Variants in ABCB1 observed in about 807,000 individuals in gnomAD.
The protein encoded by ABCB1 is ATP binding cassette subfamily B member 1, also known as ATP-dependent translocase ABCB1.
In ABCB1, 69 loss-of-function variants were observed where a neutral mutation model predicts 142.0. That is an observed-to-expected ratio of 0.49 (90% CI 0.40 to 0.59). The LOEUF is 0.59. Ranked by LOEUF, ABCB1 falls within the 20% of genes least tolerant of loss-of-function variation. ABCB1 has a pLI of 0.00. For synonymous variants in ABCB1, 532 were observed against 539.2 expected, an observed-to-expected ratio of 0.99 and a Z score of 0.18; for missense variants, 1,326 against 1,554.7, an observed-to-expected ratio of 0.85 and a Z score of 2.47.
At chr7:87,520,191 T>A (rs1020289678) in intron 22 of ABCB1, among the ~76,000 whole-genome samples, 1 of 151,854 alleles carries the variant, frequency 6.6e-6, no homozygotes, top group Non-Finnish European at 1.5e-5. Context: ...AAATAATTTT[T>A]TTTTAGACAA....
intron 1 of ABCB1, among the ~76,000 whole-genome samples, chr7:87,688,019 A>G (rs540452077): frequency 6.6e-6 from 1 of 152,244 alleles, no homozygotes; most frequent in African/African-American, 2.4e-5. Flanking sequence ...ATCCAATAAA[A>G]TCCCATATAC....
chr7:87,637,702 T>C (rs1821926738), intron 1 of ABCB1, among the ~76,000 whole-genome samples: 1 of 152,126 alleles, frequency 6.6e-6, no homozygotes. Context: ...TGAAAACTTT[T>C]CATTTTCTTG....
intron 4 of ABCB1, among the ~76,000 whole-genome samples, chr7:87,582,700 A>C (rs941406238): frequency 6.6e-6 from 1 of 152,282 alleles, no homozygotes; most frequent in Admixed American, 6.5e-5. Flanking sequence ...GGCTGCTTAC[A>C]TTCATAAAAT....
intron 4 of ABCB1, among the ~76,000 whole-genome samples, chr7:87,581,702 T>G (rs2129905199): frequency 6.6e-6 from 1 of 152,324 alleles, no homozygotes; most frequent in Non-Finnish European, 1.5e-5. Flanking sequence ...GAGAAGGATC[T>G]GCTTACTGAA....
At chr7:87,588,729 G>A (rs147426026) in intron 3 of ABCB1, among the ~76,000 whole-genome samples, 77 of 152,230 alleles carry the variant, frequency 5.1e-4, no homozygotes, top group African/African-American at 1.8e-3. Context: ...CTGTCTTTAG[G>A]TCTTTGAGGA....
intron 2 of ABCB1, among the ~76,000 whole-genome samples, chr7:87,598,929 T>C (rs1403410249): frequency 1.3e-5 from 2 of 152,144 alleles, no homozygotes; most frequent in Non-Finnish European, 2.9e-5. Context: ...GGTTCATTTC[T>C]TTTAGGGAGG....
At chr7:87,559,955 T>C (rs1024913204) in intron 8 of ABCB1, among the ~76,000 whole-genome samples, 1 of 152,220 alleles carries the variant, frequency 6.6e-6, no homozygotes, top group Admixed American at 6.5e-5. Context: ...AACTTCATTA[T>C]GTCTCTGCTC....
chr7:87,647,073 T>G (rs1240202674), intron 1 of ABCB1, among the ~76,000 whole-genome samples: 1 of 152,226 alleles, frequency 6.6e-6, no homozygotes, highest in Non-Finnish European at 1.5e-5. Context: ...CTGAAAATTA[T>G]TTGAGTGATT....
At chr7:87,568,643 C>G (rs1404420102) in intron 5 of ABCB1, among the ~76,000 whole-genome samples, 2 of 152,148 alleles carry the variant, frequency 1.3e-5, no homozygotes, top group Non-Finnish European at 2.9e-5. Context: ...GCACTCAGCC[C>G]ATCAGGAATC....
chr7:87,661,108 T>C (rs1824662989), intron 1 of ABCB1, among the ~76,000 whole-genome samples: 1 of 151,976 alleles, frequency 6.6e-6, no homozygotes, highest in South Asian at 2.1e-4. Flanking sequence ...TTCTGATAGA[T>C]TACATTTTTA....
In ABCB1 at chr7:87,546,146, A is replaced by G. The variant is rs545092570; in HGVS notation, c.1726-122T>C. 53 of 916,464 alleles carry G rather than the reference A, an allele frequency of 5.8e-5. No homozygotes were observed. The African/African-American group carries it at 7.8e-4, about 13-fold the overall frequency. The allele number at this position is 916,464 out of a possible 1,614,324, so 56.8% of individuals were successfully genotyped here. On this transcript the variant is annotated intron_variant, in intron 14 of 27. Coordinates refer to ENST00000622132, the MANE Select transcript of ABCB1 (RefSeq NM_001348946.2). The stretch of plus-strand genomic sequence containing the variant: ...TGTAAAACCATCAAATCTATATAAG[A>G]TAGCCTCTGACTTCAATAAATGTAT...
chr7:87,540,769 G>A (rs1293001219), intron 18 of ABCB1, among the ~76,000 whole-genome samples: 1 of 152,178 alleles, frequency 6.6e-6, no homozygotes. Context: ...AACTTTTAGA[G>A]TACTTAATTC....
chr7:87,590,939 G>T (rs1438274109), intron 3 of ABCB1, among the ~76,000 whole-genome samples: 1 of 152,184 alleles, frequency 6.6e-6, no homozygotes, highest in Non-Finnish European at 1.5e-5. Flanking sequence ...TCTTGACCAG[G>T]TGTGGTAGAC....
intron 1 of ABCB1, among the ~76,000 whole-genome samples, chr7:87,622,608 G>A (rs1352231283): frequency 6.6e-6 from 1 of 152,194 alleles, no homozygotes; most frequent in African/African-American, 2.4e-5. Context: ...TATTGCATGA[G>A]TGATACAGTT....
At chr7:87,549,598 A>G (rs1816957035) in intron 13 of ABCB1, 80 bp from the exon 14 acceptor site, 1 of 1,597,260 alleles carries the variant, frequency 6.3e-7, no homozygotes, top group East Asian at 2.2e-5. Flanking sequence ...GGAATCCTAT[A>G]CACAGCCCAA....
chr7:87,519,349 G>C lies in ABCB1; in HGVS notation c.2904C>G (p.Leu968=). Residue 968 remains leucine (L), a synonymous_variant, in exon 23 of 28, where the codon CTC becomes CTG. Transcript: ENST00000622132. ...ACAACAGAACATCCTCAAAGCTCAT[G>C]AGTTTATGTGCCACCAAGTAGGCTC... ...RFGAYLVAHK[L]MSFEDVLLVF... 6.2e-6 allele frequency: 10 copies of C among 1,614,108 alleles called. No individual in the cohort carries two copies. Among genetic ancestry groups the C allele is most frequent in the Non-Finnish European group, 8.5e-6 (10 of 1,179,970 alleles).
chr7:87,677,129 A>G (rs978197059), intron 1 of ABCB1, among the ~76,000 whole-genome samples: 1 of 152,174 alleles, frequency 6.6e-6, no homozygotes, highest in Non-Finnish European at 1.5e-5. Context: ...CTTCTGGGTT[A>G]TTTATTGAAA....
At chr7:87,666,383 A>T (rs1825254266) in intron 1 of ABCB1, among the ~76,000 whole-genome samples, 2 of 152,048 alleles carry the variant, frequency 1.3e-5, no homozygotes, top group African/African-American at 4.8e-5. Flanking sequence ...TAGATGCTGG[A>T]TATTAGACCA....
rs1819085840 is a variant in ABCB1, at chr7:87,593,719, A to C, written c.117+2047T>G. 2.0e-5 allele frequency among the ~76,000 whole-genome samples: 3 copies of C among 152,326 alleles called. No individual in the cohort carries two copies. The South Asian group carries it at 6.2e-4, about 32-fold the overall frequency. On this transcript the variant is annotated intron_variant, in intron 3 of 27. Transcript: ENST00000622132. ...TCAGTTCCTAATAAAATCCTTGGGC[A>C]CTGAGTCTCTAATGAGCTTCTCTGA...
Sources: allele counts gnomAD v4.1 joint callset (sites outside exome capture counted in the v4.1 genomes callset), GRCh38; gene constraint gnomAD v4.1.1; transcripts MANE v1.5; gene names NCBI Gene and HGNC (gene_info 2026-07-23, HGNC 2026-07-21).